Variants in VTI1A observed in about 807,000 individuals in gnomAD.
The protein encoded by VTI1A is vesicle transport through interaction with t-SNAREs 1A.
A neutral mutation model predicts 34.9 loss-of-function variants in VTI1A; 22 were observed. That is an observed-to-expected ratio of 0.63 (90% CI 0.45 to 0.90). The LOEUF is 0.90. Among genes scored for constraint, VTI1A ranks in the 40% least tolerant of loss-of-function variants. The pLI is 0.00. For synonymous variants in VTI1A, 87 were observed against 97.3 expected (o/e 0.89, Z 0.62); for missense variants, 268 against 275.6 (o/e 0.97, Z 0.20).
At chr10:112,828,840 G>A in the VTI1A span, among the ~76,000 whole-genome samples, 1 of 148,434 alleles carries the variant, frequency 6.7e-6, no homozygotes, top group Non-Finnish European at 1.5e-5. Context: ...AGTGAGACCT[G>A]GGTCTCAAAA....
chr10:112,826,271 T>G, the VTI1A span: 1 of 152,148 alleles, frequency 6.6e-6, no homozygotes, highest in Admixed American at 6.6e-5. Context: ...TGGTGCCAGC[T>G]CTCAGCCTTG....
chr10:112,595,598 A>C (rs2134449548), intron 5 of VTI1A, among the ~76,000 whole-genome samples: 1 of 152,284 alleles, frequency 6.6e-6, no homozygotes, highest in African/African-American at 2.4e-5. Flanking sequence ...AATGCAAATC[A>C]AAACCACAAT....
the VTI1A span, among the ~76,000 whole-genome samples, chr10:112,838,448 T>C: frequency 6.6e-6 from 1 of 152,370 alleles, no homozygotes; most frequent in Non-Finnish European, 1.5e-5. Flanking sequence ...CATTATGTCA[T>C]ATATGGTGTA....
At chr10:112,733,387 C>T (rs1414792583) in intron 7 of VTI1A, among the ~76,000 whole-genome samples, 1 of 152,120 alleles carries the variant, frequency 6.6e-6, no homozygotes, top group East Asian at 1.9e-4. Flanking sequence ...ACAGTTGCTT[C>T]CCATTCCCCC....
intron 7 of VTI1A, among the ~76,000 whole-genome samples, chr10:112,674,519 T>G (rs956635708): frequency 6.6e-6 from 1 of 152,232 alleles, no homozygotes; most frequent in Non-Finnish European, 1.5e-5. Context: ...TGTTTCTCTT[T>G]AATAACATGC....
At chr10:112,462,066 T>C (rs963864691) in intron 2 of VTI1A, among the ~76,000 whole-genome samples, 2 of 152,214 alleles carry the variant, frequency 1.3e-5, no homozygotes, top group African/African-American at 4.8e-5. Context: ...GTCAGGCTGG[T>C]CTTGAACTCC....
the VTI1A span, among the ~76,000 whole-genome samples, chr10:112,830,220 GGCATAGCCTTTCGCA>G: frequency 6.6e-6 from 1 of 152,014 alleles, no homozygotes; most frequent in South Asian, 2.1e-4. Flanking sequence ...CCTCTGACTT[GGCATAGCCTTTCGCA>G]TCAGAATTCC....
intron 7 of VTI1A, among the ~76,000 whole-genome samples, chr10:112,689,576 C>T (rs948645865): frequency 2.0e-5 from 3 of 152,076 alleles, no homozygotes; most frequent in African/African-American, 4.8e-5. Flanking sequence ...TAAACGAAAA[C>T]GTCACCGTTC....
chr10:112,543,414 T>A (rs1351830359), intron 5 of VTI1A, among the ~76,000 whole-genome samples: 1 of 152,242 alleles, frequency 6.6e-6, no homozygotes, highest in Non-Finnish European at 1.5e-5. Flanking sequence ...TGATTTGCAT[T>A]TCTCTGATGG....
intron 7 of VTI1A, among the ~76,000 whole-genome samples, chr10:112,704,539 T>C (rs765714255): frequency 7.9e-5 from 12 of 152,206 alleles, no homozygotes; most frequent in Non-Finnish European, 1.6e-4. Flanking sequence ...ATAATGATTA[T>C]TTTAGATAGC....
the VTI1A span, among the ~76,000 whole-genome samples, chr10:112,837,323 T>G: frequency 6.6e-6 from 1 of 150,884 alleles, no homozygotes; most frequent in East Asian, 2.0e-4. Context: ...TGAGACAACG[T>G]CTCAAAAAAA....
At chr10:112,518,138 G>A (rs1301978753) in intron 3 of VTI1A, among the ~76,000 whole-genome samples, 2 of 151,956 alleles carry the variant, frequency 1.3e-5, no homozygotes, top group African/African-American at 2.4e-5. Flanking sequence ...CAGAGTGGTA[G>A]GAAGAAATCC....
chr10:112,772,885 C>T (rs1467868273), intron 7 of VTI1A, among the ~76,000 whole-genome samples: 2 of 152,132 alleles, frequency 1.3e-5, no homozygotes, highest in African/African-American at 2.4e-5. Flanking sequence ...CAAAACTGAC[C>T]GACTGGCATA....
chr10:112,476,792 C>T (rs1848292029), intron 3 of VTI1A, among the ~76,000 whole-genome samples: 1 of 152,114 alleles, frequency 6.6e-6, no homozygotes, highest in Non-Finnish European at 1.5e-5. Flanking sequence ...ATTCCAGTGT[C>T]TCATTTCTTT....
chr10:112,554,177 C>G (rs979603565), intron 5 of VTI1A, among the ~76,000 whole-genome samples: 1 of 152,166 alleles, frequency 6.6e-6, no homozygotes, highest in Admixed American at 6.5e-5. Context: ...AAAAATAATT[C>G]TGCTGTGTGT....
chr10:112,707,151 G>A (rs750779544), intron 7 of VTI1A, among the ~76,000 whole-genome samples: 4 of 151,888 alleles, frequency 2.6e-5, no homozygotes, highest in South Asian at 2.1e-4. Context: ...TTTTTGTGGC[G>A]CGGGGAGGGG....
At chr10:112,792,654 G>A (rs1203218151) in intron 7 of VTI1A, among the ~76,000 whole-genome samples, 1 of 152,166 alleles carries the variant, frequency 6.6e-6, no homozygotes, top group East Asian at 1.9e-4. Context: ...ACCGAGTCAA[G>A]ATACGGCAAT....
intron 7 of VTI1A, among the ~76,000 whole-genome samples, chr10:112,734,738 C>T (rs1012477768): frequency 7.3e-5 from 11 of 151,662 alleles, no homozygotes; most frequent in African/African-American, 2.4e-4. Flanking sequence ...CTGCAATCTC[C>T]GCCTCCCAGG....
At chr10:112,743,837 G>A (rs1196237337) in intron 7 of VTI1A, among the ~76,000 whole-genome samples, 1 of 152,072 alleles carries the variant, frequency 6.6e-6, no homozygotes, top group Non-Finnish European at 1.5e-5. Flanking sequence ...AAAAATATAG[G>A]ACATAATATA....
Sources: allele counts gnomAD v4.1 joint callset (sites outside exome capture counted in the v4.1 genomes callset), GRCh38; gene constraint gnomAD v4.1.1; transcripts MANE v1.5; gene names NCBI Gene and HGNC (gene_info 2026-07-23, HGNC 2026-07-21).